The following FLT1 variants were observed in gnomAD, a reference collection of about 807,000 sequenced individuals.
FLT1 encodes the protein fms related receptor tyrosine kinase 1, also known as vascular endothelial growth factor receptor 1.
Under a neutral mutation model 156.3 loss-of-function variants are expected in FLT1, and 49 were observed. That is an observed-to-expected ratio of 0.31 (90% CI 0.25 to 0.40). The LOEUF is 0.40. Ranked by LOEUF, FLT1 falls within the 10% of genes least tolerant of loss-of-function variation. FLT1 has a pLI of 1.00. For missense variants in FLT1, 1,322 were observed against 1,637.2 expected, an observed-to-expected ratio of 0.81 and a Z score of 3.32; for synonymous variants, 594 against 583.8, an observed-to-expected ratio of 1.02 and a Z score of -0.25.
intron 14 of FLT1, among the ~76,000 whole-genome samples, chr13:28,372,019 GGTGT>G (rs142534765): frequency 3.6e-3 from 90 of 24,718 alleles, no homozygotes; most frequent in South Asian, 6.5e-3. Context: ...ATAAATCATT[GGTGT>G]GTGTGTGTGT....
chr13:28,395,951 GT>G (rs1196016631), intron 12 of FLT1, among the ~76,000 whole-genome samples: 2 of 152,218 alleles, frequency 1.3e-5, no homozygotes, highest in African/African-American at 2.4e-5. Context: ...GGTTGAGACA[GT>G]AACTTGTTTC....
intron 12 of FLT1, among the ~76,000 whole-genome samples, chr13:28,394,931 G>A (rs1874951612): frequency 6.6e-6 from 1 of 152,162 alleles, no homozygotes; most frequent in South Asian, 2.1e-4. Flanking sequence ...TCCAGGCAGT[G>A]GCCAAAGGAG....
intron 12 of FLT1, 135 bp downstream of exon 12, chr13:28,396,825 T>G (rs1418837944): frequency 2.8e-6 from 2 of 710,054 alleles, no homozygotes; most frequent in Non-Finnish European, 5.2e-6. Context: ...AGAGCAAGGA[T>G]GAAGGCACTC....
chr13:28,427,910 C>T lies in FLT1; in HGVS notation c.1118G>A (p.Gly373Glu), dbSNP rs1877446433. The T allele has an allele frequency of 6.2e-7, 1 of 1,613,654 alleles. No individual in the cohort carries two copies. The highest frequency in any genetic ancestry group is 1.3e-5 in the African/African-American group (1 of 74,862). The change falls in exon 9 of 30, where the codon GGG becomes GAG. Residue 373 changes from glycine to glutamate, a missense_variant. Transcript: ENST00000282397. ...AGCAGATTTCTCAGTCGCAGGTAAC[C>T]CATCTTTTAACCTGTGGTTAAAAAC... ...PSPEVVWLKD[G>E]LPATEKSARY...
intron 10 of FLT1, among the ~76,000 whole-genome samples, chr13:28,416,425 T>C (rs1876652161): frequency 6.6e-6 from 1 of 152,208 alleles, no homozygotes; most frequent in Non-Finnish European, 1.5e-5. Context: ...CCAATCCTGG[T>C]AGTGACAAAT....
chr13:28,436,457 T>C (rs569745704), intron 4 of FLT1, among the ~76,000 whole-genome samples: 1 of 152,320 alleles, frequency 6.6e-6, no homozygotes, highest in African/African-American at 2.4e-5. Flanking sequence ...ATTTTACACT[T>C]CTCTTTCTCT....
intron 15 of FLT1, among the ~76,000 whole-genome samples, chr13:28,348,245 C>A (rs1358724498): frequency 6.6e-6 from 1 of 152,198 alleles, no homozygotes; most frequent in Non-Finnish European, 1.5e-5. Flanking sequence ...ACCTCTGCAG[C>A]CAGAGTGATC....
chr13:28,488,106 G>A (rs1881265441), intron 1 of FLT1, among the ~76,000 whole-genome samples: 1 of 151,958 alleles, frequency 6.6e-6, no homozygotes, highest in Non-Finnish European at 1.5e-5. Context: ...TGTTAGTGAA[G>A]AGGAAATGGG....
At chr13:28,466,721 G>T (rs1879866833) in intron 3 of FLT1, 182 bp downstream of exon 3, 2 of 688,058 alleles carry the variant, frequency 2.9e-6, no homozygotes, top group Non-Finnish European at 5.3e-6. Flanking sequence ...GTGACTAACT[G>T]GGCCTTGACA....
At chr13:28,463,652 T>A (rs1394223482) in intron 3 of FLT1, among the ~76,000 whole-genome samples, 1 of 152,202 alleles carries the variant, frequency 6.6e-6, no homozygotes, top group Non-Finnish European at 1.5e-5. Flanking sequence ...CACAGCTGTA[T>A]ATTAGGAAAT....
chr13:28,408,819 T>G (rs541340430), intron 10 of FLT1, among the ~76,000 whole-genome samples: 1 of 152,212 alleles, frequency 6.6e-6, no homozygotes, highest in African/African-American at 2.4e-5. Flanking sequence ...CCTTTCCTAA[T>G]GAGCTATATG....
intron 28 of FLT1, among the ~76,000 whole-genome samples, chr13:28,307,273 T>C (rs569228979): frequency 1.3e-5 from 2 of 152,334 alleles, no homozygotes; most frequent in East Asian, 3.9e-4. Context: ...TGGTTTCTTT[T>C]GGCAGTGAGT....
chr13:28,335,424 C>T (rs796439277), intron 17 of FLT1, among the ~76,000 whole-genome samples: 35 of 152,258 alleles, frequency 2.3e-4, no homozygotes, highest in African/African-American at 8.4e-4. Context: ...TACTCCACTC[C>T]CTTTCCCCAA....
chr13:28,490,660 G>C (rs1056997370), intron 1 of FLT1, among the ~76,000 whole-genome samples: 1 of 152,088 alleles, frequency 6.6e-6, no homozygotes. Flanking sequence ...ATAAACGAAG[G>C]CCAATGGAGC....
At chr13:28,397,556 CT>C (rs953334592) in intron 11 of FLT1, among the ~76,000 whole-genome samples, 128 of 146,378 alleles carry the variant, frequency 8.7e-4, no homozygotes, top group East Asian at 1.4e-3. Flanking sequence ...TTGGCTGAAA[CT>C]TTTTTTTTTT....
intron 13 of FLT1, 25 bp from the exon 14 acceptor site, chr13:28,385,056 T>G: frequency 1.2e-6 from 2 of 1,613,338 alleles, no homozygotes; most frequent in Non-Finnish European, 1.7e-6. Flanking sequence ...AAGGGAGCTG[T>G]GATTACTCGT....
At position 28,357,542 on chromosome 13, in the gene FLT1, G is replaced by A. The variant is rs746454999; in HGVS notation, c.2248+12C>T. ...GACCAATTTCTTGTTGCTTTCTTAA[G>A]CAGCTGTTTACCTTGAACAGTGAGG... On this transcript the variant is annotated intron_variant, in intron 15 of 29. Transcript: ENST00000282397. The A allele has an allele frequency of 6.2e-7, 1 of 1,613,988 alleles. No homozygotes were observed. Among genetic ancestry groups the A allele is most frequent in the Non-Finnish European group, 8.5e-7 (1 of 1,179,860 alleles).
At chr13:28,472,349 T>C (rs1332916309) in intron 1 of FLT1, among the ~76,000 whole-genome samples, 1 of 152,204 alleles carries the variant, frequency 6.6e-6, no homozygotes, top group African/African-American at 2.4e-5. Flanking sequence ...TTTCTTCAAA[T>C]GCTCTTCAAA....
At chr13:28,448,395 A>G (rs1398161160) in intron 3 of FLT1, among the ~76,000 whole-genome samples, 26 of 152,364 alleles carry the variant, frequency 1.7e-4, no homozygotes, top group Admixed American at 1.2e-3. Flanking sequence ...CTAAAATGTG[A>G]TATGTCCATA....
Sources: gnomAD v4.1 joint callset for allele counts (sites outside exome capture counted in the v4.1 genomes callset) on GRCh38, gnomAD v4.1.1 for gene constraint, MANE v1.5 for transcripts, NCBI Gene and HGNC (gene_info 2026-07-23, HGNC 2026-07-21) for gene names.